STXBP5L: variants seen among roughly 807,000 people sequenced by gnomAD.
The protein encoded by STXBP5L is syntaxin-binding protein 5-like.
STXBP5L carries 65 observed loss-of-function variants against 144.5 expected under a neutral mutation model. The ratio of observed to expected loss-of-function variants is 0.45; its 90% confidence interval spans 0.37 to 0.55. The LOEUF (loss-of-function observed/expected upper bound fraction) is 0.55. STXBP5L is among the 20% of genes least tolerant of loss of function. STXBP5L has a pLI of 0.00. For synonymous variants in STXBP5L, 505 were observed against 469.6 expected, an observed-to-expected ratio of 1.08 and a Z score of -0.97; for missense variants, 1,298 against 1,405.5, an observed-to-expected ratio of 0.92 and a Z score of 1.22.
chr3:121,155,259 A>G (rs761167216), intron 8 of STXBP5L, among the ~76,000 whole-genome samples: 2 of 151,798 alleles, frequency 1.3e-5, no homozygotes, highest in Non-Finnish European at 3.0e-5. Flanking sequence ...CACATTTCAG[A>G]CATATTACTC....
chr3:121,029,594 G>A (rs1946213992), intron 3 of STXBP5L, among the ~76,000 whole-genome samples: 2 of 152,078 alleles, frequency 1.3e-5, no homozygotes, highest in African/African-American at 2.4e-5. Flanking sequence ...GAAAACCTAG[G>A]CAATACCATT....
intron 5 of STXBP5L, among the ~76,000 whole-genome samples, chr3:121,105,630 C>A (rs2043665740): frequency 6.6e-6 from 1 of 151,544 alleles, no homozygotes; most frequent in Admixed American, 6.6e-5. Flanking sequence ...TACAACCACT[C>A]TGGTAAACAG....
chr3:120,964,471 G>A (rs1478539361), intron 3 of STXBP5L, among the ~76,000 whole-genome samples: 4 of 152,112 alleles, frequency 2.6e-5, no homozygotes, highest in South Asian at 2.1e-4. Context: ...GGTATGTTGT[G>A]TCTTTGTTCT....
intron 10 of STXBP5L, among the ~76,000 whole-genome samples, chr3:121,216,493 C>G (rs1025310251): frequency 6.6e-6 from 1 of 152,166 alleles, no homozygotes; most frequent in Non-Finnish European, 1.5e-5. Flanking sequence ...ACCCTCTTTG[C>G]CTGGTTATCA....
Position 121,399,281 on chromosome 3 carries a change from G to A in STXBP5L, c.2588-7962G>A, listed in dbSNP as rs1015968264. Among the ~76,000 whole-genome samples the A allele has an allele frequency of 3.9e-5, 6 of 152,184 alleles. No homozygotes were observed. The East Asian group carries it at 9.7e-4, about 25-fold the overall frequency. The stretch of plus-strand genomic sequence containing the variant: ...CATGGGGATTGCTTTAAGAGTACTC[G>A]GGTGTCCTCCAGCTAGTTCCATGTT... On this transcript the variant is annotated intron_variant, in intron 22 of 26. Transcript: ENST00000471454.
Position 120,925,414 on chromosome 3 carries a change from T to A in STXBP5L, c.189+15647T>A, listed in dbSNP as rs182063051. Among the ~76,000 whole-genome samples the A allele has an allele frequency of 5.3e-4, 81 of 152,340 alleles. No homozygotes were observed. The East Asian group carries it at 0.014, about 27-fold the overall frequency. ...TGACTCCTTTATTATTATATAGTGA[T>A]CTTCTTTGTCTGTTTTTATAGTCTT... On this transcript the variant is annotated intron_variant, in intron 2 of 26. Transcript: ENST00000471454.
At chr3:121,022,306 A>G (rs1051847629) in intron 3 of STXBP5L, among the ~76,000 whole-genome samples, 2 of 152,112 alleles carry the variant, frequency 1.3e-5, no homozygotes, top group African/African-American at 4.8e-5. Context: ...ACAACAAAAA[A>G]AGTCCAGGAC....
rs114239450 is a variant in STXBP5L at position 121,297,040 on chromosome 3, C to T, written c.2110+17084C>T. On this transcript the variant is annotated intron_variant, in intron 19 of 26. Coordinates refer to ENST00000471454, the MANE Select transcript of STXBP5L (RefSeq NM_001308330.2). ...CACAAATACCAATACAAATAACAAT[C>T]AGTCCCTTGGCAAAGGGGGTATAAA... is the stretch of plus-strand genomic sequence containing the variant. Among the ~76,000 whole-genome samples, 384 of 152,272 alleles carry T rather than the reference C, an allele frequency of 2.5e-3. 1 individual carries two copies. The highest frequency in any genetic ancestry group is 4.2e-3 in the Non-Finnish European group (287 of 68,012).
chr3:121,108,120 G>A (rs934789762), intron 5 of STXBP5L, among the ~76,000 whole-genome samples: 10 of 152,072 alleles, frequency 6.6e-5, no homozygotes, highest in African/African-American at 2.4e-4. Flanking sequence ...AGGCTGAAGC[G>A]ATAGGATTTT....
intron 10 of STXBP5L, among the ~76,000 whole-genome samples, chr3:121,218,179 T>A (rs560069259): frequency 7.1e-6 from 1 of 141,768 alleles, no homozygotes; most frequent in South Asian, 2.1e-4. Context: ...ATACTATATA[T>A]AGTATGATAT....
intron 5 of STXBP5L, among the ~76,000 whole-genome samples, chr3:121,063,705 TAG>T: frequency 6.6e-6 from 1 of 152,262 alleles, no homozygotes; most frequent in East Asian, 1.9e-4. Flanking sequence ...AGGAGGAATT[TAG>T]AGAGGAGGTC....
At chr3:120,981,358 TC>T (rs1183990374) in intron 3 of STXBP5L, among the ~76,000 whole-genome samples, 1 of 152,158 alleles carries the variant, frequency 6.6e-6, no homozygotes, top group Non-Finnish European at 1.5e-5. Flanking sequence ...GTTTAAATAA[TC>T]CCATGTTTCT....
chr3:121,320,690 C>T (rs1298248427), intron 20 of STXBP5L, among the ~76,000 whole-genome samples: 4 of 149,700 alleles, frequency 2.7e-5, no homozygotes, highest in East Asian at 2.0e-4. Flanking sequence ...CCACAACGCA[C>T]AACGACCACA....
intron 19 of STXBP5L, among the ~76,000 whole-genome samples, chr3:121,311,939 A>T (rs1427371796): frequency 8.5e-5 from 13 of 152,232 alleles, no homozygotes; most frequent in Non-Finnish European, 1.6e-4. Flanking sequence ...CGGACTTCAA[A>T]CTATACTACA....
At chr3:120,950,707 A>G (rs1271907178) in intron 2 of STXBP5L, among the ~76,000 whole-genome samples, 1 of 152,194 alleles carries the variant, frequency 6.6e-6, no homozygotes, top group Non-Finnish European at 1.5e-5. Context: ...AAGAATCAAT[A>G]TCGTGAAAAT....
At chr3:121,406,743 AGCATTTTCT>A (rs2047001288) in intron 22 of STXBP5L, among the ~76,000 whole-genome samples, 1 of 152,114 alleles carries the variant, frequency 6.6e-6, no homozygotes, top group South Asian at 2.1e-4. Flanking sequence ...AGAAAAATCA[AGCATTTTCT>A]AGCAAATTAG....
intron 19 of STXBP5L, among the ~76,000 whole-genome samples, chr3:121,315,665 TAA>T (rs940130167): frequency 6.7e-6 from 1 of 150,278 alleles, no homozygotes; most frequent in Non-Finnish European, 1.5e-5. Flanking sequence ...CTCATCAAAG[TAA>T]AAAAAAATCA....
chr3:121,362,540 A>T (rs1257412451), intron 20 of STXBP5L, among the ~76,000 whole-genome samples: 1 of 152,120 alleles, frequency 6.6e-6, no homozygotes, highest in Non-Finnish European at 1.5e-5. Flanking sequence ...AAGTACTGTC[A>T]TGCTACCACT....
chr3:120,942,407 T>C (rs1339261369), intron 2 of STXBP5L, among the ~76,000 whole-genome samples: 1 of 151,570 alleles, frequency 6.6e-6, no homozygotes, highest in Non-Finnish European at 1.5e-5. Context: ...ATGAAGATTA[T>C]GAAAACAGGT....
Sources: allele counts gnomAD v4.1 joint callset (sites outside exome capture counted in the v4.1 genomes callset), GRCh38; gene constraint gnomAD v4.1.1; transcripts MANE v1.5; gene names NCBI Gene and HGNC (gene_info 2026-07-23, HGNC 2026-07-21).